IQSEC1: variants seen among roughly 807,000 people sequenced by gnomAD.
The protein encoded by IQSEC1 is IQ motif and Sec7 domain ArfGEF 1, also known as IQ motif and SEC7 domain-containing protein 1.
In IQSEC1, 31 loss-of-function variants were observed where a neutral mutation model predicts 91.0. The observed-to-expected ratio is 0.34, with a 90% CI of 0.26 to 0.46. IQSEC1 has a LOEUF of 0.46. Ranked by LOEUF, IQSEC1 falls within the 20% of genes least tolerant of loss-of-function variation. The pLI is 1.00. For synonymous variants in IQSEC1, 699 were observed against 662.6 expected (o/e 1.05, Z -0.84); for missense variants, 1,388 against 1,575.6 (o/e 0.88, Z 2.02).
chr3:13,107,370 C>T (rs759587234), intron 2 of IQSEC1, among the ~76,000 whole-genome samples: 19 of 152,220 alleles, frequency 1.2e-4, no homozygotes, highest in Admixed American at 7.9e-4. Context: ...ATGCCCCCTG[C>T]GGTTGCTATA....
chr3:12,930,129 G>C (rs938890756), intron 3 of IQSEC1, among the ~76,000 whole-genome samples: 1 of 152,210 alleles, frequency 6.6e-6, no homozygotes, highest in Non-Finnish European at 1.5e-5. Flanking sequence ...AAAGCACTGA[G>C]TGCTTACCCT....
chr3:13,263,435 G>T (rs1192170242), intron 1 of IQSEC1, among the ~76,000 whole-genome samples: 3 of 130,432 alleles, frequency 2.3e-5, no homozygotes, highest in Admixed American at 1.6e-4. Context: ...TTTGGGGGGG[G>T]GGGGAAAGTA....
At chr3:13,204,034 G>C (rs957220284) in intron 1 of IQSEC1, among the ~76,000 whole-genome samples, 2 of 152,110 alleles carry the variant, frequency 1.3e-5, no homozygotes, top group African/African-American at 4.8e-5. Context: ...CCTTCCCCCC[G>C]CCCATCTGTG....
At chr3:13,128,554 G>A (rs1338461648) in intron 2 of IQSEC1, among the ~76,000 whole-genome samples, 1 of 152,138 alleles carries the variant, frequency 6.6e-6, no homozygotes, top group African/African-American at 2.4e-5. Context: ...GATTAGATAT[G>A]CAAATATTTT....
Position 12,935,725 on chromosome 3 carries a change from G to A in IQSEC1, c.1291C>T (p.Leu431=). The change falls in exon 3 of 14, where the codon CTG becomes TTG. Residue 431 remains leucine, a synonymous_variant. Transcript: ENST00000613206. This position sits in a 1 kb window ranked among gnomAD's most constrained non-coding sequence, Gnocchi z 8.0. The stretch of plus-strand genomic sequence containing the variant: ...CCATTGATGGCCAAGTGGCTGTCCA[G>A]GGGCCTGGGGGGCCGGGGCCGCAAC... ...PELRPRPPRP[L]DSHLAINGSA... is the part of the protein sequence containing the mutation. 6.2e-7 allele frequency: 1 copy of A among 1,612,154 alleles called. No individual in the cohort carries two copies.
chr3:13,119,163 C>T (rs938914743), intron 2 of IQSEC1, among the ~76,000 whole-genome samples: 5 of 151,856 alleles, frequency 3.3e-5, no homozygotes, highest in African/African-American at 4.8e-5. Context: ...ATAAGGAGGC[C>T]GCCTTGGTCT....
In IQSEC1 at chr3:12,911,652, T is replaced by C; in HGVS notation, c.2393A>G (p.Gln798Arg). Reference sequence around the variant, plus strand: ...ACACTGGTTCTCGAAGAGCAGGACCTGCATGCCGTACAAGGAGAAGGACTG... The same window carrying C: ...ACACTGGTTCTCGAAGAGCAGGACCCGCATGCCGTACAAGGAGAAGGACTG... ...FRQSFSLYGM[Q>R]VLLFENQYYP... Residue 798 changes from glutamine to arginine, a missense_variant, in exon 10 of 14, where the codon CAG becomes CGG. Physicochemically the swap from Gln to Arg is conservative, Grantham distance 43. This residue lies in a region of IQSEC1 where 1,059 missense variants were observed against 1,317.8 expected (regional missense o/e 0.80). Coordinates refer to ENST00000613206, the MANE Select transcript of IQSEC1 (RefSeq NM_001134382.3). 1 of 1,613,764 alleles carries C rather than the reference T, an allele frequency of 6.2e-7. No individual in the cohort carries two copies. The highest frequency in any genetic ancestry group is 8.5e-7 in the Non-Finnish European group (1 of 1,179,786).
chr3:12,901,193 G>GTGGTGGTGA lies in IQSEC1; in HGVS notation c.3126_3134dup (p.His1045_His1047dup), dbSNP rs756746540. The GTGGTGGTGA allele has an allele frequency of 1.3e-6, 2 of 1,543,814 alleles. No individual in the cohort carries two copies. The highest frequency in any genetic ancestry group is 4.9e-5 in the East Asian group (2 of 40,882). On this transcript the variant is annotated inframe_insertion, in exon 14 of 14. Coordinates refer to ENST00000613206, the MANE Select transcript of IQSEC1 (RefSeq NM_001134382.3). ...GCTGGATGTGCTGGGGTGGGTGGTG[G>GTGGTGGTGA]TGGTGGTGATGGTGGTACGGGGGAG...
At chr3:12,965,135 G>C (rs899476393) in intron 1 of IQSEC1, among the ~76,000 whole-genome samples, 2 of 152,162 alleles carry the variant, frequency 1.3e-5, no homozygotes, top group Non-Finnish European at 2.9e-5. Flanking sequence ...GGTTCTCTTA[G>C]TGTGTGTACC....
At chr3:13,035,572 C>A in intron 1 of IQSEC1, among the ~76,000 whole-genome samples, 1 of 152,220 alleles carries the variant, frequency 6.6e-6, no homozygotes, top group East Asian at 1.9e-4. Context: ...AGTGTCCCTA[C>A]ACCTGTTAGG....
At chr3:12,912,001 A>G (rs1259468338) in intron 9 of IQSEC1, among the ~76,000 whole-genome samples, 1 of 152,248 alleles carries the variant, frequency 6.6e-6, no homozygotes, top group Non-Finnish European at 1.5e-5. Flanking sequence ...GCCTTCTCAC[A>G]GCCAGGTGAG....
At chr3:13,104,307 G>C (rs1258202289) in intron 2 of IQSEC1, among the ~76,000 whole-genome samples, 1 of 152,204 alleles carries the variant, frequency 6.6e-6, no homozygotes, top group Non-Finnish European at 1.5e-5. Flanking sequence ...ATGAAGGGAA[G>C]AGATGGGGTG....
intron 3 of IQSEC1, among the ~76,000 whole-genome samples, chr3:12,926,842 C>G (rs142055492): frequency 1.0e-3 from 155 of 152,298 alleles, no homozygotes; most frequent in African/African-American, 3.6e-3. Context: ...TATTTTTATC[C>G]CAGGATGGCC....
In IQSEC1 at chr3:12,924,441, C is replaced by CT; in HGVS notation, c.1730+139dup. 1.2e-6 allele frequency: 1 copy of CT among 832,800 alleles called. No homozygotes were observed. Among genetic ancestry groups the CT allele is most frequent in the Non-Finnish European group, 1.8e-6 (1 of 551,282 alleles). The allele number at this position is 832,800 out of a possible 1,614,324, so 51.6% of individuals were successfully genotyped here. A position where few individuals can be genotyped will look rare whatever the true frequency, so the allele number is the denominator to read the frequency against. On this transcript the variant is annotated intron_variant, in intron 4 of 13. Transcript: ENST00000613206. This position sits in a 1 kb window ranked among gnomAD's most constrained non-coding sequence, Gnocchi z 6.3. ...GGCATCTGCATGTGTGTGTCTAGGA[C>CT]TTAGGAAGAGAGAAAGGGGGGCCCA...
chr3:13,179,735 G>A (rs894391721), intron 1 of IQSEC1, among the ~76,000 whole-genome samples: 1 of 152,392 alleles, frequency 6.6e-6, no homozygotes, highest in Admixed American at 6.5e-5. Context: ...GGCTCCCTCA[G>A]CTTGCAGGGA....
Position 12,913,185 on chromosome 3 carries a change from A to G in IQSEC1, c.2316+243T>C, listed in dbSNP as rs557870452. 1.3e-3 allele frequency among the ~76,000 whole-genome samples: 197 copies of G among 152,340 alleles called. 1 individual carries two copies. The highest frequency in any genetic ancestry group is 4.6e-3 in the African/African-American group (190 of 41,580). ...GGTACAGGTGCAGACAGCACACAGG[A>G]GTGCTGCTGACGTTGGCAGAGGCTC... On this transcript the variant is annotated intron_variant, in intron 9 of 13. Coordinates refer to ENST00000613206, the MANE Select transcript of IQSEC1 (RefSeq NM_001134382.3).
chr3:12,966,681 CCACA>C (rs1397703689), intron 1 of IQSEC1, among the ~76,000 whole-genome samples: 11 of 152,156 alleles, frequency 7.2e-5, no homozygotes, highest in Admixed American at 2.6e-4. Flanking sequence ...ACACGCATCA[CCACA>C]CAAAGCCCCT....
At chr3:13,034,258 T>A (rs1703953583) in intron 1 of IQSEC1, among the ~76,000 whole-genome samples, 1 of 152,038 alleles carries the variant, frequency 6.6e-6, no homozygotes, top group South Asian at 2.1e-4. Flanking sequence ...ATCTTCCCCC[T>A]CCGGAAGGAA....
intron 1 of IQSEC1, among the ~76,000 whole-genome samples, chr3:13,261,494 C>T (rs980864411): frequency 1.3e-5 from 2 of 152,140 alleles, no homozygotes; most frequent in African/African-American, 4.8e-5. Context: ...CACACAAATC[C>T]CATCTTAGAG....
Sources: allele counts gnomAD v4.1 joint callset (sites outside exome capture counted in the v4.1 genomes callset), GRCh38; gene constraint gnomAD v4.1.1; regional missense constraint gnomAD v4.1.1; non-coding constraint Gnocchi (gnomAD v3.1); transcripts MANE v1.5; gene names NCBI Gene and HGNC (gene_info 2026-07-23, HGNC 2026-07-21).